PKD2: variants seen among roughly 807,000 people sequenced by gnomAD.
PKD2 encodes polycystin-2.
Under a neutral mutation model 105.9 loss-of-function variants are expected in PKD2, and 48 were observed. That is an observed-to-expected ratio of 0.45 (90% CI 0.36 to 0.58). The LOEUF (loss-of-function observed/expected upper bound fraction) is 0.58. Ranked by LOEUF, PKD2 falls within the 20% of genes least tolerant of loss-of-function variation. The pLI is 0.00. For missense variants in PKD2, 1,078 were observed against 1,255.3 expected (o/e 0.86, Z 2.13); for synonymous variants, 464 against 481.1 (o/e 0.96, Z 0.46).
At chr4:88,068,853 C>T (rs1264236418) in intron 13 of PKD2, among the ~76,000 whole-genome samples, 4 of 152,086 alleles carry the variant, frequency 2.6e-5, no homozygotes, top group Non-Finnish European at 5.9e-5. Context: ...TTAAAGTCTC[C>T]AAGTATTATT....
chr4:88,065,038 C>G (rs1720737168), intron 10 of PKD2, among the ~76,000 whole-genome samples: 1 of 152,004 alleles, frequency 6.6e-6, no homozygotes, highest in Non-Finnish European at 1.5e-5. Context: ...TCTTGGTATT[C>G]CTAAGAACTG....
At chr4:88,031,310 A>G (rs965745688) in intron 2 of PKD2, among the ~76,000 whole-genome samples, 5 of 152,270 alleles carry the variant, frequency 3.3e-5, no homozygotes, top group Non-Finnish European at 5.9e-5. Context: ...TCAATTTACA[A>G]TGAGTTTATC....
chr4:88,012,580 GCCATTTTAA>G (rs1197984209), intron 1 of PKD2, among the ~76,000 whole-genome samples: 1 of 151,902 alleles, frequency 6.6e-6, no homozygotes, highest in Non-Finnish European at 1.5e-5. Flanking sequence ...CATAAAATTG[GCCATTTTAA>G]CCATTTTAAG....
intron 9 of PKD2, among the ~76,000 whole-genome samples, chr4:88,061,287 TAAATA>T (rs553979391): frequency 1.1e-4 from 17 of 152,190 alleles, no homozygotes; most frequent in Non-Finnish European, 2.2e-4. Context: ...AAAATAATAT[TAAATA>T]AAATAATCGC....
rs115219298 is a variant in PKD2, at chr4:88,035,278, T to C, written c.710-942T>C. Reference sequence around the variant, plus strand: ...ATTCAATATTATCAGTAAATGTCCATGGCAAGGATGTAGTTCGAGTTATAG... The same window carrying C: ...ATTCAATATTATCAGTAAATGTCCACGGCAAGGATGTAGTTCGAGTTATAG... On this transcript the variant is annotated intron_variant, in intron 2 of 14. Coordinates refer to ENST00000237596, the MANE Select transcript of PKD2 (RefSeq NM_000297.4). 4.8e-3 allele frequency among the ~76,000 whole-genome samples: 729 copies of C among 152,302 alleles called. 7 individuals are homozygous for C. Among genetic ancestry groups the C allele is most frequent in the African/African-American group, 0.017 (704 of 41,564 alleles).
intron 1 of PKD2, among the ~76,000 whole-genome samples, chr4:88,008,635 G>GT (rs1287898854): frequency 0.011 from 1,550 of 145,808 alleles, 20 homozygotes; most frequent in African/African-American, 0.024. Context: ...TCTGGGTTTT[G>GT]TTTTTTTTTT....
intron 6 of PKD2, among the ~76,000 whole-genome samples, chr4:88,047,852 TAAATC>T (rs1320088364): frequency 5.3e-5 from 8 of 151,966 alleles, no homozygotes; most frequent in Non-Finnish European, 8.8e-5. Context: ...AAATAAAAAA[TAAATC>T]AAAGGCAGAG....
chr4:88,033,070 T>A lies in PKD2; in HGVS notation c.710-3150T>A, dbSNP rs113582119. On this transcript the variant is annotated intron_variant, in intron 2 of 14. Coordinates refer to ENST00000237596, the MANE Select transcript of PKD2 (RefSeq NM_000297.4). ...AGAGTTTGTAGAGCTGTCATTCAGG[T>A]GTGCCATGGACTTTCCTGGGACCTG... Among the ~76,000 whole-genome samples the A allele has an allele frequency of 6.4e-4, 97 of 152,298 alleles. 1 individual carries two copies. Among genetic ancestry groups the A allele is most frequent in the African/African-American group, 2.3e-3 (95 of 41,558 alleles).
intron 7 of PKD2, among the ~76,000 whole-genome samples, chr4:88,055,322 T>G (rs912164618): frequency 6.6e-6 from 1 of 151,408 alleles, no homozygotes; most frequent in Non-Finnish European, 1.5e-5. Flanking sequence ...TCCTGGGGGG[T>G]TTTATAATTA....
chr4:88,022,213 A>G (rs1045623542), intron 2 of PKD2, among the ~76,000 whole-genome samples: 1 of 152,238 alleles, frequency 6.6e-6, no homozygotes, highest in Non-Finnish European at 1.5e-5. Context: ...TCATCTTGTT[A>G]GGATCTGCCC....
intron 1 of PKD2, among the ~76,000 whole-genome samples, chr4:88,017,294 A>G (rs1341579740): frequency 6.6e-6 from 1 of 152,116 alleles, no homozygotes; most frequent in East Asian, 1.9e-4. Context: ...AAATTCATAC[A>G]TACATACATA....
At chr4:88,051,120 C>T (rs1047938355) in intron 6 of PKD2, among the ~76,000 whole-genome samples, 1 of 152,122 alleles carries the variant, frequency 6.6e-6, no homozygotes, top group Non-Finnish European at 1.5e-5. Flanking sequence ...GCAGTGTCCC[C>T]TTGGATCTGA....
chr4:88,020,199 G>A (rs1726700133), intron 2 of PKD2, among the ~76,000 whole-genome samples: 1 of 152,118 alleles, frequency 6.6e-6, no homozygotes, highest in Non-Finnish European at 1.5e-5. Flanking sequence ...TTAACATAAA[G>A]TCTGCATAAG....
chr4:88,027,314 C>T (rs1301745266), intron 2 of PKD2, among the ~76,000 whole-genome samples: 1 of 152,186 alleles, frequency 6.6e-6, no homozygotes, highest in Non-Finnish European at 1.5e-5. Flanking sequence ...AGCATGGAGA[C>T]AGGGGATCAA....
intron 2 of PKD2, among the ~76,000 whole-genome samples, chr4:88,022,320 C>G (rs1726782227): frequency 6.6e-6 from 1 of 152,244 alleles, no homozygotes. Context: ...GTTATTATCT[C>G]TATCCATATC....
chr4:88,033,983 C>T (rs1206697426), intron 2 of PKD2, among the ~76,000 whole-genome samples: 1 of 152,156 alleles, frequency 6.6e-6, no homozygotes, highest in Admixed American at 6.5e-5. Context: ...CAGCACTCTC[C>T]CTGGGGACAC....
At chr4:88,022,444 A>G (rs983600012) in intron 2 of PKD2, among the ~76,000 whole-genome samples, 2 of 152,210 alleles carry the variant, frequency 1.3e-5, no homozygotes, top group Non-Finnish European at 2.9e-5. Context: ...GTGTTCATAA[A>G]CAAGATGATA....
rs989740046 is a variant in PKD2, at chr4:88,077,461, G to C, written c.*1767G>C. On this transcript the variant is annotated 3_prime_UTR_variant, in exon 15 of 15. Coordinates refer to ENST00000237596, the MANE Select transcript of PKD2 (RefSeq NM_000297.4). Reference sequence around the variant, plus strand: ...CAATTTGAAGTGCAGCTATTATGTGGTATCCATGTGTATCGACCATGTGCC... The same window carrying C: ...CAATTTGAAGTGCAGCTATTATGTGCTATCCATGTGTATCGACCATGTGCC... 3 of 152,562 alleles carry C rather than the reference G, an allele frequency of 2.0e-5. No individual in the cohort carries two copies. The highest frequency in any genetic ancestry group is 4.4e-5 in the Non-Finnish European group (3 of 68,034). 9.5% of individuals were successfully genotyped at this position (152,562 alleles called of 1,614,324 possible). A position where few individuals can be genotyped will look rare whatever the true frequency, so the allele number is the denominator to read the frequency against.
intron 1 of PKD2, among the ~76,000 whole-genome samples, chr4:88,012,595 T>C (rs1726420363): frequency 6.6e-6 from 1 of 152,188 alleles, no homozygotes; most frequent in African/African-American, 2.4e-5. Flanking sequence ...TTTAACCATT[T>C]TAAGTATATA....
Sources: allele counts gnomAD v4.1 joint callset (sites outside exome capture counted in the v4.1 genomes callset), GRCh38; gene constraint gnomAD v4.1.1; transcripts MANE v1.5; gene names NCBI Gene and HGNC (gene_info 2026-07-23, HGNC 2026-07-21).